Variants in PDE4DIP observed in about 807,000 individuals in gnomAD.
PDE4DIP encodes phosphodiesterase 4D interacting protein.
A neutral mutation model predicts 221.4 loss-of-function variants in PDE4DIP; 59 were observed. The ratio of observed to expected loss-of-function variants is 0.27; its 90% CI spans 0.22 to 0.33. PDE4DIP has a LOEUF of 0.33. Among genes scored for constraint, PDE4DIP ranks in the 10% least tolerant of loss-of-function variants. The probability of loss-of-function intolerance (pLI) is 1.00; values close to 1 mark genes in which losing one functional copy is unlikely to be tolerated. For synonymous variants in PDE4DIP, 404 were observed against 815.9 expected (o/e 0.50, Z 8.60); for missense variants, 1,036 against 2,154.2 (o/e 0.48, Z 10.28).
At chr1:148,978,485 A>G in intron 19 of PDE4DIP, 70 bp downstream of exon 22, 1 of 1,010,046 alleles carries the variant, frequency 9.9e-7, no homozygotes, top group Non-Finnish European at 1.4e-6. Flanking sequence ...TTTTTTTAGT[A>G]GAGATGGAGT....
At chr1:148,995,888 TAAAAA>T (rs587748053) in intron 22 of PDE4DIP, among the ~76,000 whole-genome samples, 3 of 122,128 alleles carry the variant, frequency 2.5e-5, no homozygotes, top group Non-Finnish European at 3.6e-5. Flanking sequence ...AAATAAAAAA[TAAAAA>T]AAGAAATAAA....
At chr1:149,028,949 T>C (rs1439880600) in intron 41 of PDE4DIP, among the ~76,000 whole-genome samples, 2 of 152,130 alleles carry the variant, frequency 1.3e-5, no homozygotes, top group African/African-American at 4.8e-5. Flanking sequence ...TCAAAGAAGA[T>C]GAAGGGGTGT....
chr1:148,981,377 A>C (rs1553542920), exon 21 of PDE4DIP: 1 of 1,614,048 alleles, frequency 6.2e-7, no homozygotes, highest in East Asian at 2.2e-5. Flanking sequence ...AACAGGCTGG[A>C]GACCCTGGCC....
At chr1:148,821,503 G>C (rs1571340849) in intron 1 of PDE4DIP, among the ~76,000 whole-genome samples, 1 of 150,554 alleles carries the variant, frequency 6.6e-6, no homozygotes, top group Non-Finnish European at 1.5e-5. Flanking sequence ...TATTAATAAA[G>C]TTTATTTTAA....
intron 21 of PDE4DIP, chr1:148,990,392 G>A (rs2062786717): frequency 1.0e-6 from 1 of 981,116 alleles, no homozygotes; most frequent in African/African-American, 1.7e-5. Context: ...CGGAGATAAG[G>A]TAAGCCCCTT....
chr1:148,960,697 A>G (rs373522113), exon 6 of PDE4DIP: 1 of 503,994 alleles, frequency 2.0e-6, no homozygotes, highest in Non-Finnish European at 3.4e-6. Flanking sequence ...CTGAATTCAC[A>G]TGAGACCACT....
intron 43 of PDE4DIP, chr1:149,030,985 A>G (rs372070000): frequency 1.9e-5 from 7 of 363,180 alleles, no homozygotes; most frequent in African/African-American, 1.6e-4. Flanking sequence ...TTTAACATGG[A>G]CATCAAAGCT....
intron 12 of PDE4DIP, among the ~76,000 whole-genome samples, chr1:148,967,262 A>G (rs2058352466): frequency 6.6e-6 from 1 of 152,122 alleles, no homozygotes; most frequent in African/African-American, 2.4e-5. Flanking sequence ...ATACATAAGT[A>G]TACATACACA....
intron 14 of PDE4DIP, among the ~76,000 whole-genome samples, chr1:148,970,808 A>G (rs1553525660): frequency 6.6e-6 from 1 of 152,232 alleles, no homozygotes; most frequent in Middle Eastern, 3.4e-3. Flanking sequence ...AGATATTTTT[A>G]TTAAGGTACT....
Position 148,981,403 on chromosome 1 carries a change from G to C in PDE4DIP, c.2815+6G>C. 1 of 1,613,968 alleles carries C rather than the reference G, an allele frequency of 6.2e-7. No homozygotes were observed. Among genetic ancestry groups the C allele is most frequent in the East Asian group, 2.2e-5 (1 of 44,880 alleles). ...GACCCTGGCCGCCATTGGAGGTGGG[G>C]AACTGGAAAGTGTGCGAATTCATCA... On this transcript the variant is annotated splice_donor_region_variant and intron_variant, in intron 21 of 43. Coordinates refer to ENST00000369354, the Ensembl canonical transcript of PDE4DIP.
intron 1 of PDE4DIP, among the ~76,000 whole-genome samples, chr1:148,857,584 G>T (rs1328045595): frequency 2.7e-5 from 1 of 36,982 alleles, no homozygotes; most frequent in African/African-American, 1.5e-4. Context: ...TAGCCAGAAT[G>T]GTCTCGATAT....
intron 4 of PDE4DIP, among the ~76,000 whole-genome samples, chr1:148,935,217 A>G (rs370342018): frequency 6.6e-6 from 1 of 151,932 alleles, no homozygotes; most frequent in Non-Finnish European, 1.5e-5. Flanking sequence ...CATCTCAAAA[A>G]AAAAAAGAAT....
At position 148,813,768 on chromosome 1, in the gene PDE4DIP, CTTTT is replaced by C. The variant is rs1330528069; in HGVS notation, c.233+5034_233+5037del. Among the ~76,000 whole-genome samples, 168 of 126,520 alleles carry C rather than the reference CTTTT, an allele frequency of 1.3e-3. 11 individuals are homozygous for C. Among genetic ancestry groups the C allele is most frequent in the African/African-American group, 4.9e-3 (155 of 31,686 alleles). 83.0% of individuals were successfully genotyped at this position (126,520 alleles called of 152,430 possible). Reference sequence around the variant, plus strand: ...TTGTGATCAAGGTGTTTTTTTTTTTCTTTTTTATCTTTTTTTTTTTTTTGCATGT... The same window carrying C: ...TTGTGATCAAGGTGTTTTTTTTTTTCTTATCTTTTTTTTTTTTTTGCATGT... On this transcript the variant is annotated intron_variant, in intron 1 of 45. Transcript: ENST00000524974.
chr1:148,905,177 G>C (rs1489956536), intron 1 of PDE4DIP, among the ~76,000 whole-genome samples: 1 of 101,448 alleles, frequency 9.9e-6, no homozygotes, highest in Non-Finnish European at 2.0e-5. Flanking sequence ...ATCTCTTCTA[G>C]GTTTTTTTTT....
chr1:148,975,287 A>G (rs2059948742), intron 17 of PDE4DIP, among the ~76,000 whole-genome samples: 1 of 147,456 alleles, frequency 6.8e-6, no homozygotes, highest in Non-Finnish European at 1.5e-5. Flanking sequence ...TAGAAACATG[A>G]AACGAGAAAT....
intron 32 of PDE4DIP, among the ~76,000 whole-genome samples, chr1:149,015,966 G>A (rs1553610224): frequency 6.8e-6 from 1 of 147,154 alleles, no homozygotes; most frequent in East Asian, 2.0e-4. Context: ...CTGTGGGAGT[G>A]AATCCTACTT....
chr1:148,992,108 C>A lies in PDE4DIP; in HGVS notation c.2904+135C>A. On this transcript the variant is annotated intron_variant, in intron 22 of 43. Transcript: ENST00000369354. The stretch of plus-strand genomic sequence containing the variant: ...CATAAACTACTTCTCAGTCATCTTC[C>A]TGTTCTCCTTGAACTTCCCAGCTGC... The A allele has an allele frequency of 1.4e-5, 14 of 1,000,000 alleles. No homozygotes were observed. The Middle Eastern group carries it at 1.0e-3, about 73-fold the overall frequency. 61.9% of individuals were successfully genotyped at this position (1,000,000 alleles called of 1,614,324 possible).
intron 5 of PDE4DIP, among the ~76,000 whole-genome samples, chr1:148,948,620 C>G (rs587776191): frequency 3.9e-5 from 6 of 151,958 alleles, no homozygotes; most frequent in Admixed American, 3.9e-4. Context: ...CCAAAGAAAT[C>G]CCTCAAATTA....
At chr1:148,924,786 T>C (rs1427860608) in intron 1 of PDE4DIP, among the ~76,000 whole-genome samples, 1 of 151,610 alleles carries the variant, frequency 6.6e-6, no homozygotes, top group African/African-American at 2.4e-5. Flanking sequence ...CCAAGAAGAC[T>C]TGGTGATAAA....
Sources: allele counts gnomAD v4.1 joint callset (sites outside exome capture counted in the v4.1 genomes callset), GRCh38; gene constraint gnomAD v4.1.1; transcripts MANE v1.5; gene names NCBI Gene and HGNC (gene_info 2026-07-23, HGNC 2026-07-21).